Variants in ANKRD46 observed in about 807,000 individuals in gnomAD.
The protein encoded by ANKRD46 is ankyrin repeat domain 46, also known as ankyrin repeat domain-containing protein 46.
In ANKRD46, 13 loss-of-function variants were observed where a neutral mutation model predicts 19.8. The ratio of observed to expected loss-of-function variants is 0.66; its 90% CI spans 0.43 to 1.04. ANKRD46 has a LOEUF of 1.04. Ranked by LOEUF, ANKRD46 falls within the 50% of genes least tolerant of loss-of-function variation. The pLI, the probability that ANKRD46 is intolerant of heterozygous loss-of-function variation, is 0.00. For synonymous variants in ANKRD46, 91 were observed against 106.9 expected (o/e 0.85, Z 0.92); for missense variants, 185 against 274.8 (o/e 0.67, Z 2.31).
chr8:100,529,421 C>T lies in ANKRD46; in HGVS notation c.311+102G>A. On this transcript the variant is annotated intron_variant, in intron 3 of 4. Transcript: ENST00000335659. This position sits in a 1 kb window ranked among gnomAD's most constrained non-coding sequence, Gnocchi z 5.8. ...TCAATGCTTTCTGAACTTATTTCAA[C>T]TGATTAATGAGGAAACAAAACCAAC... 1.6e-6 allele frequency: 2 copies of T among 1,226,200 alleles called. 1 individual carries two copies. The highest frequency in any genetic ancestry group is 5.2e-4 in the Middle Eastern group (2 of 3,856). 76.0% of individuals were successfully genotyped at this position (1,226,200 alleles called of 1,614,324 possible). A position where few individuals can be genotyped will look rare whatever the true frequency, so the allele number is the denominator to read the frequency against.
At chr8:100,523,443 C>G (rs2130643728) in intron 4 of ANKRD46, among the ~76,000 whole-genome samples, 1 of 150,784 alleles carries the variant, frequency 6.6e-6, no homozygotes, top group East Asian at 2.0e-4. Context: ...AAGTAAATGT[C>G]TGTTGGGGGG....
chr8:100,532,678 T>A lies in ANKRD46; in HGVS notation c.-28+531A>T, dbSNP rs1811989791. Among the ~76,000 whole-genome samples the A allele has an allele frequency of 6.6e-6, 1 of 152,212 alleles. No homozygotes were observed. The highest frequency in any genetic ancestry group is 1.5e-5 in the Non-Finnish European group (1 of 68,042). The stretch of plus-strand genomic sequence containing the variant: ...ACATAAAATACATAATGATAGCTGA[T>A]AAGCTTTAAAAAATTGCAAAAAAAA... On this transcript the variant is annotated intron_variant, in intron 2 of 4. Transcript: ENST00000335659. This position sits in a 1 kb window ranked among gnomAD's most constrained non-coding sequence, Gnocchi z 4.7.
rs1185389256 is a variant in ANKRD46 at position 100,550,127 on chromosome 8, A to C, written c.-131+9584T>G. 6.6e-6 allele frequency among the ~76,000 whole-genome samples: 1 copy of C among 152,196 alleles called. No individual in the cohort carries two copies. Among genetic ancestry groups the C allele is most frequent in the Non-Finnish European group, 1.5e-5 (1 of 68,028 alleles). On this transcript the variant is annotated intron_variant, in intron 1 of 4. Coordinates refer to ENST00000335659, the MANE Select transcript of ANKRD46 (RefSeq NM_001270377.2). The surrounding 1 kb of genome is among the most constrained non-coding windows in gnomAD (Gnocchi z 4.4). Reference sequence around the variant, plus strand: ...GCAATTATGAATAAGGCTGACATGAACACCCACATGCAGGTTTTTGTGTGG... The same window carrying C: ...GCAATTATGAATAAGGCTGACATGACCACCCACATGCAGGTTTTTGTGTGG...
chr8:100,528,775 C>T (rs1293863068), intron 3 of ANKRD46, among the ~76,000 whole-genome samples: 2 of 152,064 alleles, frequency 1.3e-5, no homozygotes, highest in Non-Finnish European at 2.9e-5. Context: ...CCTGCAGAAA[C>T]AAAAGCATTT....
At chr8:100,520,405 A>C (rs373555992), downstream of ANKRD46, among the ~76,000 whole-genome samples, 114 of 152,296 alleles carry the variant, frequency 7.5e-4, 2 homozygotes, top group Middle Eastern at 3.4e-3. Flanking sequence ...TCCCTCTTCC[A>C]CCAGGTCCTA....
At position 100,529,746 on chromosome 8, in the gene ANKRD46, G is replaced by T. The variant is rs766524755; in HGVS notation, c.88C>A (p.Arg30=). The T allele has an allele frequency of 6.2e-7, 1 of 1,614,210 alleles. No individual in the cohort carries two copies. The highest frequency in any genetic ancestry group is 8.5e-7 in the Non-Finnish European group (1 of 1,180,042). Residue 30 remains arginine (R), a synonymous_variant, in exon 3 of 5, where the codon CGG becomes AGG. Coordinates refer to ENST00000335659, the MANE Select transcript of ANKRD46 (RefSeq NM_001270377.2). This position sits in a 1 kb window ranked among gnomAD's most constrained non-coding sequence, Gnocchi z 5.8. ...CIDGDFNYSK[R]LLESGFDPNI... is the part of the protein sequence containing the mutation. Reference sequence around the variant, plus strand: ...GGGTCAAAGCCACTTTCCAAAAGCCGCTTGGAATAATTAAAGTCCCCATCA... The same window carrying T: ...GGGTCAAAGCCACTTTCCAAAAGCCTCTTGGAATAATTAAAGTCCCCATCA...
At chr8:100,522,912 T>C (rs530477627) in intron 4 of ANKRD46, 141 bp from the exon 5 acceptor site, 32,038 of 553,784 alleles carry the variant, frequency 0.058, 1,108 homozygotes, top group Non-Finnish European at 0.068. Flanking sequence ...CACATATATA[T>C]ATATACACAC....
rs1811916735 is a variant in ANKRD46 at position 100,529,657 on chromosome 8, G to A, written c.177C>T (p.Asp59=). ...LHLAAARGNV[D]ICQLLHKFGA... is the part of the protein sequence containing the mutation. ...CGAATTTATGCAGTAACTGGCAGATGTCTACATTCCCTCGAGCTGCTGCAA... is the reference window on the plus strand; with the variant it reads ...CGAATTTATGCAGTAACTGGCAGATATCTACATTCCCTCGAGCTGCTGCAA... Residue 59 remains aspartate, a synonymous_variant, in exon 3 of 5, where the codon GAC becomes GAT. Coordinates refer to ENST00000335659, the MANE Select transcript of ANKRD46 (RefSeq NM_001270377.2). The surrounding 1 kb of genome is among the most constrained non-coding windows in gnomAD (Gnocchi z 5.8). The A allele has an allele frequency of 8.1e-6, 13 of 1,614,260 alleles. No individual in the cohort carries two copies. The South Asian group carries it at 1.3e-4, about 16-fold the overall frequency.
intron 5 of ANKRD46, among the ~76,000 whole-genome samples, chr8:100,512,913 G>C (rs1811569815): frequency 6.6e-6 from 1 of 152,144 alleles, no homozygotes; most frequent in South Asian, 2.1e-4. Context: ...GGGGTTAGAA[G>C]CCCAGGCATT....
chr8:100,551,075 C>T (rs934044391), intron 1 of ANKRD46: 16 of 510,796 alleles, frequency 3.1e-5, no homozygotes, highest in Non-Finnish European at 6.1e-5. Flanking sequence ...TTGCCCACAG[C>T]CTTGGCAACA....
rs1812375994 is a variant in ANKRD46, at chr8:100,550,987, C to A, written c.-131+8724G>T. ...TGGCAGGTTTCTCCAGATGGCAGGT[C>A]AGGTCCACAACCAACACGTTTGCAG... On this transcript the variant is annotated intron_variant, in intron 1 of 4. Transcript: ENST00000335659. The surrounding 1 kb of genome is among the most constrained non-coding windows in gnomAD (Gnocchi z 4.4). 5.4e-6 allele frequency: 3 copies of A among 551,234 alleles called. No individual in the cohort carries two copies. The highest frequency in any genetic ancestry group is 1.0e-5 in the Non-Finnish European group (3 of 287,816). The allele number at this position is 551,234 out of a possible 1,614,324, so 34.1% of individuals were successfully genotyped here. A position where few individuals can be genotyped will look rare whatever the true frequency, so the allele number is the denominator to read the frequency against.
intron 4 of ANKRD46, 123 bp from the exon 5 acceptor site, chr8:100,522,894 C>CAT: frequency 1.7e-6 from 1 of 572,354 alleles, no homozygotes; most frequent in Non-Finnish European, 3.0e-6. Flanking sequence ...CACACACACA[C>CAT]ACACACACAC....
In ANKRD46 at chr8:100,545,144, G is replaced by A. The variant is rs1303947923; in HGVS notation, c.-130-11833C>T. Among the ~76,000 whole-genome samples, 1 of 152,168 alleles carries A rather than the reference G, an allele frequency of 6.6e-6. No individual in the cohort carries two copies. Among genetic ancestry groups the A allele is most frequent in the Non-Finnish European group, 1.5e-5 (1 of 68,028 alleles). On this transcript the variant is annotated intron_variant, in intron 1 of 4. Transcript: ENST00000335659. The surrounding 1 kb of genome is among the most constrained non-coding windows in gnomAD (Gnocchi z 4.7). ...ATTCGAGACAAGCCTGGGCAACACA[G>A]TGAGACCTTGTCTCTAAAATATACA... is the stretch of plus-strand genomic sequence containing the variant.
chr8:100,531,686 C>T (rs1011763731), intron 2 of ANKRD46, among the ~76,000 whole-genome samples: 3 of 152,076 alleles, frequency 2.0e-5, no homozygotes, highest in Admixed American at 1.3e-4. Flanking sequence ...CTCTGTCACC[C>T]AGGCTGGAGT....
At chr8:100,523,712 C>T (rs1448699886) in intron 4 of ANKRD46, among the ~76,000 whole-genome samples, 1 of 152,022 alleles carries the variant, frequency 6.6e-6, no homozygotes, top group Non-Finnish European at 1.5e-5. Flanking sequence ...GATGCGATCT[C>T]AGCTCACTGA....
chr8:100,514,172 T>C (rs1333660467), intron 5 of ANKRD46, among the ~76,000 whole-genome samples: 1 of 152,210 alleles, frequency 6.6e-6, no homozygotes, highest in Non-Finnish European at 1.5e-5. Flanking sequence ...CTTGAACCTC[T>C]AAAAAGTAAT....
At chr8:100,551,633 T>A (rs911284741) in intron 1 of ANKRD46, 29 of 709,690 alleles carry the variant, frequency 4.1e-5, no homozygotes, top group Admixed American at 1.8e-5. Context: ...AATATCCACT[T>A]TACTAGAGTT....
At chr8:100,547,283 G>A (rs926252944) in intron 1 of ANKRD46, among the ~76,000 whole-genome samples, 1 of 152,110 alleles carries the variant, frequency 6.6e-6, no homozygotes, top group African/African-American at 2.4e-5. Flanking sequence ...CTGGATCATG[G>A]GGGCGGTTTT....
At position 100,522,509 on chromosome 8, in the gene ANKRD46, A is replaced by T; in HGVS notation, c.*46T>A. 3 of 1,603,252 alleles carry T rather than the reference A, an allele frequency of 1.9e-6. No individual in the cohort carries two copies. The highest frequency in any genetic ancestry group is 2.6e-6 in the Non-Finnish European group (3 of 1,173,574). ...CTGAGAAACTGAGAACAAACATTGG[A>T]AGCCAGGAAACAGGCAATTAATTGC... On this transcript the variant is annotated 3_prime_UTR_variant, in exon 5 of 5. Coordinates refer to ENST00000335659, the MANE Select transcript of ANKRD46 (RefSeq NM_001270377.2).
Sources: gnomAD v4.1 joint callset for allele counts (sites outside exome capture counted in the v4.1 genomes callset) on GRCh38, gnomAD v4.1.1 for gene constraint, Gnocchi (gnomAD v3.1) non-coding constraint, MANE v1.5 for transcripts, NCBI Gene and HGNC (gene_info 2026-07-23, HGNC 2026-07-21) for gene names.